PTPRJ: variants seen among roughly 807,000 people sequenced by gnomAD.
PTPRJ encodes receptor-type tyrosine-protein phosphatase eta.
Under a neutral mutation model 141.3 loss-of-function variants are expected in PTPRJ, and 129 were observed. The ratio of observed to expected loss-of-function variants is 0.91; its 90% confidence interval spans 0.79 to 1.06. The LOEUF is 1.06. PTPRJ is among the 50% of genes least tolerant of loss of function. The pLI is 0.00. For missense variants in PTPRJ, 1,601 were observed against 1,679.7 expected (o/e 0.95, Z 0.82); for synonymous variants, 610 against 640.5 (o/e 0.95, Z 0.72).
chr11:48,166,551 C>T (rs775772541), intron 24 of PTPRJ, among the ~76,000 whole-genome samples: 5 of 151,736 alleles, frequency 3.3e-5, no homozygotes, highest in East Asian at 2.0e-4. Flanking sequence ...TAACCTGAGC[C>T]GATCTACCTG....
Position 47,981,021 on chromosome 11 carries a change from TGG to T in PTPRJ, c.96+15_96+16del. 2.1e-6 allele frequency: 1 copy of T among 468,864 alleles called. No individual in the cohort carries two copies. Among genetic ancestry groups the T allele is most frequent in the Non-Finnish European group, 2.9e-6 (1 of 350,182 alleles). 29.0% of individuals were successfully genotyped at this position (468,864 alleles called of 1,614,324 possible). ...GCGCCTGGGCCAGGTAAGCGCCGGG[TGG>T]GCTCGGGCGGGGGGCAGGAGGCTGG... On this transcript the variant is annotated intron_variant, in intron 1 of 24. Transcript: ENST00000418331.
chr11:47,986,414 A>G (rs1446568404), intron 1 of PTPRJ, among the ~76,000 whole-genome samples: 1 of 152,174 alleles, frequency 6.6e-6, no homozygotes, highest in Non-Finnish European at 1.5e-5. Context: ...TAAGATAGAA[A>G]AGGAATTGCT....
chr11:48,012,452 G>A (rs1057444625), intron 1 of PTPRJ, among the ~76,000 whole-genome samples: 1 of 152,330 alleles, frequency 6.6e-6, no homozygotes, highest in Admixed American at 6.5e-5. Flanking sequence ...CACCAAGGGA[G>A]TAAATATGGA....
chr11:48,054,327 G>C (rs752976391), intron 1 of PTPRJ, among the ~76,000 whole-genome samples: 16 of 152,218 alleles, frequency 1.1e-4, no homozygotes, highest in Non-Finnish European at 2.1e-4. Flanking sequence ...TAGCAAATTA[G>C]AGTTTACCAG....
intron 1 of PTPRJ, among the ~76,000 whole-genome samples, chr11:47,987,310 A>G (rs1565244223): frequency 6.6e-6 from 1 of 152,230 alleles, no homozygotes; most frequent in African/African-American, 2.4e-5. Flanking sequence ...GAAAAGTGGT[A>G]TCATGATAAA....
chr11:47,986,549 C>T (rs1854055421), intron 1 of PTPRJ, among the ~76,000 whole-genome samples: 1 of 152,276 alleles, frequency 6.6e-6, no homozygotes, highest in Admixed American at 6.5e-5. Context: ...CGGAGTCTCA[C>T]TCTGTTGCTT....
At chr11:47,990,167 C>G (rs1357620953) in intron 1 of PTPRJ, among the ~76,000 whole-genome samples, 1 of 152,102 alleles carries the variant, frequency 6.6e-6, no homozygotes, top group Non-Finnish European at 1.5e-5. Context: ...AAACAAAAAA[C>G]TAGCCAGTCA....
intron 1 of PTPRJ, among the ~76,000 whole-genome samples, chr11:48,077,644 C>T (rs926752880): frequency 6.6e-6 from 1 of 152,174 alleles, no homozygotes; most frequent in Non-Finnish European, 1.5e-5. Flanking sequence ...CACCCTCGGC[C>T]CTACCCCATG....
At chr11:48,072,185 G>A (rs901976659) in intron 1 of PTPRJ, among the ~76,000 whole-genome samples, 6 of 152,170 alleles carry the variant, frequency 3.9e-5, no homozygotes, top group African/African-American at 1.4e-4. Flanking sequence ...GATTACAGGT[G>A]TAAGCCACTG....
At chr11:48,099,009 G>A (rs922686009) in intron 1 of PTPRJ, among the ~76,000 whole-genome samples, 4 of 152,102 alleles carry the variant, frequency 2.6e-5, no homozygotes, top group African/African-American at 9.7e-5. Flanking sequence ...ATGTTATTTC[G>A]CTTAATTCTC....
chr11:48,042,691 G>C (rs928448250), intron 1 of PTPRJ, among the ~76,000 whole-genome samples: 6 of 151,928 alleles, frequency 3.9e-5, no homozygotes, highest in African/African-American at 1.5e-4. Context: ...TAGAACATTG[G>C]AGACATTTAC....
At chr11:48,151,227 AC>A (rs1857472984) in intron 18 of PTPRJ, among the ~76,000 whole-genome samples, 1 of 151,608 alleles carries the variant, frequency 6.6e-6, no homozygotes, top group South Asian at 2.1e-4. Context: ...TCCCTTCTAA[AC>A]CTCTGGGCAG....
At chr11:48,027,910 G>A (rs575879311) in intron 1 of PTPRJ, among the ~76,000 whole-genome samples, 4 of 151,660 alleles carry the variant, frequency 2.6e-5, no homozygotes, top group Non-Finnish European at 4.4e-5. Context: ...GCTTCGGAGA[G>A]CTCTTAGGTC....
At chr11:48,024,084 C>T (rs1206312558) in intron 1 of PTPRJ, among the ~76,000 whole-genome samples, 1 of 152,078 alleles carries the variant, frequency 6.6e-6, no homozygotes, top group Non-Finnish European at 1.5e-5. Context: ...CCTGTATTCA[C>T]ATTCCTCCCA....
intron 2 of PTPRJ, among the ~76,000 whole-genome samples, chr11:48,110,316 C>T (rs1444063899): frequency 6.6e-6 from 1 of 152,160 alleles, no homozygotes; most frequent in Non-Finnish European, 1.5e-5. Context: ...AAGTGATTCT[C>T]CTGCCTCAGC....
At chr11:48,077,535 T>G (rs1261270144) in intron 1 of PTPRJ, among the ~76,000 whole-genome samples, 2 of 152,212 alleles carry the variant, frequency 1.3e-5, no homozygotes, top group African/African-American at 4.8e-5. Flanking sequence ...CCTGAAGGCC[T>G]ACTCTGTGTC....
Position 48,139,625 on chromosome 11 carries a change from C to T in PTPRJ, c.2292C>T (p.His764=). The change falls in exon 11 of 25, where the codon CAC becomes CAT. Residue 764 remains histidine (H), a synonymous_variant. Transcript: ENST00000418331. ...VSSGAWNNAT[H]LESCSSENGT... Reference sequence around the variant, plus strand: ...GTGGAGCCTGGAACAATGCGACCCACCTGGAGAGCTGCTCCTCTGAGAATG... The same window carrying T: ...GTGGAGCCTGGAACAATGCGACCCATCTGGAGAGCTGCTCCTCTGAGAATG... 6.2e-7 allele frequency: 1 copy of T among 1,614,244 alleles called. No homozygotes were observed. Among genetic ancestry groups the T allele is most frequent in the Non-Finnish European group, 8.5e-7 (1 of 1,180,040 alleles).
chr11:48,160,946 G>A (rs1421920119), intron 22 of PTPRJ, among the ~76,000 whole-genome samples: 4 of 151,934 alleles, frequency 2.6e-5, no homozygotes, highest in African/African-American at 4.8e-5. Flanking sequence ...TGGGAGGATC[G>A]CTTGAGCTCA....
At position 48,167,532 on chromosome 11, in the gene PTPRJ, G is replaced by C. The variant is rs2134392809; in HGVS notation, c.*170G>C. 1 of 662,238 alleles carries C rather than the reference G, an allele frequency of 1.5e-6. No homozygotes were observed. The highest frequency in any genetic ancestry group is 2.3e-6 in the Non-Finnish European group (1 of 428,854). The allele number at this position is 662,238 out of a possible 1,614,324, so 41.0% of individuals were successfully genotyped here. A position where few individuals can be genotyped will look rare whatever the true frequency, so the allele number is the denominator to read the frequency against. ...TGCATATGATAGATGACAAATTGGG[G>C]CTGTCGGGGGCTGTGGATGGGTGGG... On this transcript the variant is annotated 3_prime_UTR_variant, in exon 25 of 25. Coordinates refer to ENST00000418331, the MANE Select transcript of PTPRJ (RefSeq NM_002843.4).
Sources: gnomAD v4.1 joint callset for allele counts (sites outside exome capture counted in the v4.1 genomes callset) on GRCh38, gnomAD v4.1.1 for gene constraint, MANE v1.5 for transcripts, NCBI Gene and HGNC (gene_info 2026-07-23, HGNC 2026-07-21) for gene names.